GRM7: variants seen among roughly 807,000 people sequenced by gnomAD.
GRM7 encodes the protein metabotropic glutamate receptor 7.
A neutral mutation model predicts 84.5 loss-of-function variants in GRM7; 35 were observed. That is an observed-to-expected ratio of 0.41 (90% confidence interval 0.32 to 0.55). GRM7 has a LOEUF of 0.55. Among genes scored for constraint, GRM7 ranks in the 20% least tolerant of loss-of-function variants. The pLI, the probability that GRM7 is intolerant of heterozygous loss-of-function variation, is 0.19. For missense variants in GRM7, 1,003 were observed against 1,194.6 expected (o/e 0.84, Z 2.36); for synonymous variants, 487 against 455.1 (o/e 1.07, Z -0.89).
chr3:7,423,636 C>A (rs1288128468), intron 5 of GRM7, among the ~76,000 whole-genome samples: 2 of 151,750 alleles, frequency 1.3e-5, no homozygotes, highest in African/African-American at 4.8e-5. Flanking sequence ...TAGAGGCTTT[C>A]TGCCCCCCAC....
chr3:7,479,145 G>A (rs1699036534), intron 7 of GRM7, among the ~76,000 whole-genome samples: 1 of 152,074 alleles, frequency 6.6e-6, no homozygotes, highest in Non-Finnish European at 1.5e-5. Flanking sequence ...TGGCAAACAT[G>A]TAAGGGAGTA....
At chr3:7,267,003 C>T (rs1698666485) in intron 2 of GRM7, among the ~76,000 whole-genome samples, 1 of 152,170 alleles carries the variant, frequency 6.6e-6, no homozygotes, top group Non-Finnish European at 1.5e-5. Context: ...GGCAGTTTTC[C>T]TTACAAAGTA....
At chr3:7,007,474 A>T (rs916837204) in intron 1 of GRM7, among the ~76,000 whole-genome samples, 1 of 152,186 alleles carries the variant, frequency 6.6e-6, no homozygotes, top group Admixed American at 6.5e-5. Context: ...GGGAAGGCCT[A>T]TTAGCAAATA....
intron 2 of GRM7, among the ~76,000 whole-genome samples, chr3:7,275,127 C>A (rs1699006111): frequency 1.3e-5 from 2 of 152,102 alleles, no homozygotes; most frequent in African/African-American, 4.8e-5. Flanking sequence ...TGTTTTTGAT[C>A]TTTAGCATAA....
At chr3:7,093,559 C>G (rs1698742100) in intron 1 of GRM7, among the ~76,000 whole-genome samples, 1 of 150,886 alleles carries the variant, frequency 6.6e-6, no homozygotes, top group South Asian at 2.1e-4. Context: ...TGCCTGTAAT[C>G]CCACCTACTC....
intron 9 of GRM7, among the ~76,000 whole-genome samples, chr3:7,691,656 C>A (rs188781473): frequency 6.6e-6 from 1 of 151,960 alleles, no homozygotes; most frequent in Non-Finnish European, 1.5e-5. Context: ...TTTTTTTATT[C>A]TGTTTTGTTT....
chr3:7,238,765 T>G (rs929230691), intron 2 of GRM7, among the ~76,000 whole-genome samples: 2 of 151,342 alleles, frequency 1.3e-5, no homozygotes, highest in South Asian at 2.1e-4. Context: ...TTTCCTTTCC[T>G]TTCCTTCTTT....
In GRM7 at chr3:7,188,318, G is replaced by A. The variant is rs1169696860; in HGVS notation, c.736+41650G>A. Among the ~76,000 whole-genome samples the A allele has an allele frequency of 6.6e-6, 1 of 152,116 alleles. No individual in the cohort carries two copies. Among genetic ancestry groups the A allele is most frequent in the Non-Finnish European group, 1.5e-5 (1 of 68,026 alleles). On this transcript the variant is annotated intron_variant, in intron 2 of 9. Coordinates refer to ENST00000357716, the MANE Select transcript of GRM7 (RefSeq NM_000844.4). This position sits in a 1 kb window ranked among gnomAD's most constrained non-coding sequence, Gnocchi z 4.2. Reference sequence around the variant, plus strand: ...ATTATAGACCCAAAGAACTTTATAGGTAGGTATGTTATATAATATAATCTG... The same window carrying A: ...ATTATAGACCCAAAGAACTTTATAGATAGGTATGTTATATAATATAATCTG...
intron 8 of GRM7, among the ~76,000 whole-genome samples, chr3:7,623,673 G>A (rs1697470217): frequency 6.6e-6 from 1 of 152,146 alleles, no homozygotes; most frequent in Admixed American, 6.6e-5. Context: ...ACATCCATGG[G>A]AGGGGACACC....
chr3:6,985,355 C>T (rs1694370097), intron 1 of GRM7, among the ~76,000 whole-genome samples: 1 of 152,046 alleles, frequency 6.6e-6, no homozygotes, highest in Admixed American at 6.6e-5. Flanking sequence ...TTCACCCACC[C>T]TCCACTACCC....
chr3:7,411,611 A>C (rs1386711710), intron 4 of GRM7, among the ~76,000 whole-genome samples: 1 of 152,230 alleles, frequency 6.6e-6, no homozygotes, highest in Non-Finnish European at 1.5e-5. Flanking sequence ...TGTGACATAA[A>C]TGATACCGAA....
intron 7 of GRM7, among the ~76,000 whole-genome samples, chr3:7,519,545 A>G (rs751746806): frequency 6.6e-6 from 1 of 152,200 alleles, no homozygotes; most frequent in Non-Finnish European, 1.5e-5. Flanking sequence ...GGCAGAAGGC[A>G]TGGAGTTAAA....
chr3:6,894,802 G>A (rs895325814), intron 1 of GRM7, among the ~76,000 whole-genome samples: 3 of 152,100 alleles, frequency 2.0e-5, no homozygotes, highest in Non-Finnish European at 2.9e-5. Context: ...CATCTGGATG[G>A]AACACTATAA....
At chr3:7,335,682 G>A (rs9848045) in intron 4 of GRM7, among the ~76,000 whole-genome samples, 30,741 of 151,858 alleles carry the variant, frequency 0.2, 3,272 homozygotes, top group South Asian at 0.32. Context: ...AAAAAGAAGA[G>A]AGAAGATCCA....
At chr3:6,921,639 C>T (rs1346318917) in intron 1 of GRM7, among the ~76,000 whole-genome samples, 1 of 152,088 alleles carries the variant, frequency 6.6e-6, no homozygotes, top group Non-Finnish European at 1.5e-5. Context: ...GTACCAGGCT[C>T]TGCACTGTGT....
intron 2 of GRM7, among the ~76,000 whole-genome samples, chr3:7,243,667 C>A (rs1013326853): frequency 6.6e-6 from 1 of 152,014 alleles, no homozygotes; most frequent in Non-Finnish European, 1.5e-5. Context: ...AGTGTAAGCC[C>A]AGATACACTC....
chr3:7,324,723 C>T (rs750270025), intron 4 of GRM7, among the ~76,000 whole-genome samples: 3 of 152,046 alleles, frequency 2.0e-5, no homozygotes, highest in East Asian at 1.9e-4. Flanking sequence ...CATTTAAAGC[C>T]GTTGCTTTTT....
chr3:7,409,574 G>GTTTGTTTTGTTTTGT (rs143653987), intron 4 of GRM7, among the ~76,000 whole-genome samples: 3 of 149,950 alleles, frequency 2.0e-5, no homozygotes, highest in African/African-American at 7.4e-5. Flanking sequence ...TCTGTTTTGT[G>GTTTGTTTTGTTTTGT]TTTGTTTTGT....
At position 6,954,161 on chromosome 3, in the gene GRM7, T is replaced by G. The variant is rs534681031; in HGVS notation, c.519+92254T>G. Among the ~76,000 whole-genome samples the G allele has an allele frequency of 6.6e-5, 10 of 152,282 alleles. No individual in the cohort carries two copies. In the South Asian group the frequency reaches 1.2e-3, roughly 19 times the overall value. ...ATATTTGTTCTATGCATAGAACGTG[T>G]AATGATCAAGTCAGGATATTCAGGG... On this transcript the variant is annotated intron_variant, in intron 1 of 9. Coordinates refer to ENST00000357716, the MANE Select transcript of GRM7 (RefSeq NM_000844.4).
Sources: allele counts gnomAD v4.1 joint callset (sites outside exome capture counted in the v4.1 genomes callset), GRCh38; gene constraint gnomAD v4.1.1; non-coding constraint Gnocchi (gnomAD v3.1); transcripts MANE v1.5; gene names NCBI Gene and HGNC (gene_info 2026-07-23, HGNC 2026-07-21).